Variants in DNAAF9 observed in about 807,000 individuals in gnomAD.
DNAAF9 encodes dynein axonemal assembly factor 9.
A neutral mutation model predicts 167.0 loss-of-function variants in DNAAF9; 90 were observed. The observed-to-expected ratio is 0.54, with a 90% CI of 0.45 to 0.64. The LOEUF (loss-of-function observed/expected upper bound fraction) is 0.64, where lower values mean the gene tolerates loss of function less well. DNAAF9 is among the 30% of genes least tolerant of loss of function. The probability of loss-of-function intolerance (pLI) is 0.00; values close to 1 mark genes in which losing one functional copy is unlikely to be tolerated. For synonymous variants in DNAAF9, 491 were observed against 508.8 expected (o/e 0.96, Z 0.47); for missense variants, 1,315 against 1,442.2 (o/e 0.91, Z 1.43).
At chr20:3,322,523 G>T in intron 15 of DNAAF9, 129 bp downstream of exon 15, 1 of 833,856 alleles carries the variant, frequency 1.2e-6, no homozygotes, top group Non-Finnish European at 2.1e-6. Context: ...GCCAGCCCAA[G>T]CCCAACCCTG....
intron 16 of DNAAF9, 144 bp downstream of exon 16, chr20:3,322,073 T>G: frequency 1.6e-6 from 1 of 640,348 alleles, no homozygotes; most frequent in Non-Finnish European, 2.8e-6. Flanking sequence ...TCACCCCTGC[T>G]ATGGCTGGGA....
chr20:3,381,604 G>T, intron 2 of DNAAF9, 106 bp from the exon 3 acceptor site: 1 of 1,200,454 alleles, frequency 8.3e-7, no homozygotes, highest in Non-Finnish European at 1.1e-6. Context: ...GCTGAAGGAC[G>T]CAGCTCAGAC....
intron 1 of DNAAF9, among the ~76,000 whole-genome samples, chr20:3,401,495 C>A (rs764380903): frequency 1.5e-4 from 23 of 152,182 alleles, no homozygotes; most frequent in Non-Finnish European, 2.4e-4. Flanking sequence ...CCACAGCACC[C>A]GGCTGATGAA....
chr20:3,330,094 C>T (rs1176395179), intron 12 of DNAAF9, among the ~76,000 whole-genome samples: 1 of 152,178 alleles, frequency 6.6e-6, no homozygotes, highest in African/African-American at 2.4e-5. Context: ...AGGAGAGTTA[C>T]ATCATAAATG....
At chr20:3,338,466 TTA>T (rs1439900479) in intron 10 of DNAAF9, among the ~76,000 whole-genome samples, 3 of 152,124 alleles carry the variant, frequency 2.0e-5, no homozygotes, top group Admixed American at 6.6e-5. Context: ...ATTTTGGGAT[TTA>T]TCCTGCTTGG....
At chr20:3,341,720 T>C (rs1350192586) in intron 9 of DNAAF9, among the ~76,000 whole-genome samples, 1 of 152,208 alleles carries the variant, frequency 6.6e-6, no homozygotes, top group African/African-American at 2.4e-5. Context: ...CCTCACTGTT[T>C]CCCTGTTTCC....
chr20:3,257,976 GCC>G (rs879472269), intron 33 of DNAAF9, among the ~76,000 whole-genome samples: 23,622 of 136,018 alleles, frequency 0.17, 2,415 homozygotes, highest in African/African-American at 0.2. Context: ...TGATCTGCCT[GCC>G]TTGGCCTCCC....
intron 29 of DNAAF9, among the ~76,000 whole-genome samples, chr20:3,272,664 T>C (rs1346331354): frequency 2.0e-5 from 3 of 152,218 alleles, no homozygotes; most frequent in African/African-American, 7.2e-5. Context: ...ATCTCTCCTC[T>C]GCCAATTTTT....
At position 3,252,517 on chromosome 20, in the gene DNAAF9, C is replaced by A; in HGVS notation, c.*55G>T. On this transcript the variant is annotated 3_prime_UTR_variant, in exon 37 of 37. Transcript: ENST00000252032. ...CCAGCAGAGCTGAGGTTAAGACACC[C>A]GTTCGTCCATCTCCAAGGTGGACAT... 1.1e-6 allele frequency: 1 copy of A among 951,726 alleles called. No homozygotes were observed. Among genetic ancestry groups the A allele is most frequent in the South Asian group, 1.3e-5 (1 of 76,782 alleles). 59.0% of individuals were successfully genotyped at this position (951,726 alleles called of 1,614,324 possible). A position where few individuals can be genotyped will look rare whatever the true frequency, so the allele number is the denominator to read the frequency against.
intron 2 of DNAAF9, 28 bp downstream of exon 2, chr20:3,382,397 CCT>C (rs780905230): frequency 6.6e-5 from 105 of 1,581,554 alleles, no homozygotes; most frequent in Non-Finnish European, 8.5e-5. Flanking sequence ...TTGCCCAAGC[CCT>C]GAGTCCCACC....
At chr20:3,324,750 A>G in intron 14 of DNAAF9, 142 bp downstream of exon 14, 1 of 628,602 alleles carries the variant, frequency 1.6e-6, no homozygotes. Context: ...AGGCTGAATC[A>G]TGAATGATTC....
chr20:3,296,754 C>T, intron 23 of DNAAF9, 107 bp downstream of exon 23: 1 of 736,584 alleles, frequency 1.4e-6, no homozygotes, highest in South Asian at 1.7e-5. Flanking sequence ...TGTGTTGACC[C>T]TTTCAGAAGC....
intron 5 of DNAAF9, among the ~76,000 whole-genome samples, chr20:3,374,828 T>C (rs1025080414): frequency 1.3e-5 from 2 of 152,214 alleles, no homozygotes; most frequent in African/African-American, 4.8e-5. Context: ...TTGGGCAGCC[T>C]GCTGTGTTGC....
chr20:3,281,886 C>G lies in DNAAF9; in HGVS notation c.2487-120G>C, dbSNP rs373083367. The G allele has an allele frequency of 6.4e-4, 579 of 905,522 alleles. 2 individuals carry two copies. In the African/African-American group the frequency reaches 9.3e-3, roughly 15 times the overall value. The allele number at this position is 905,522 out of a possible 1,614,324, so 56.1% of individuals were successfully genotyped here. A position where few individuals can be genotyped will look rare whatever the true frequency, so the allele number is the denominator to read the frequency against. On this transcript the variant is annotated intron_variant, in intron 27 of 36. Coordinates refer to ENST00000252032, the MANE Select transcript of DNAAF9 (RefSeq NM_001009984.3). ...AAAGAAAACCAAAAGGAAGAGCCCG[C>G]AATCTGGTCCCTTGGTGTCACTCCA...
At chr20:3,353,572 G>A (rs1362169626) in intron 7 of DNAAF9, among the ~76,000 whole-genome samples, 1 of 151,394 alleles carries the variant, frequency 6.6e-6, no homozygotes, top group Non-Finnish European at 1.5e-5. Flanking sequence ...AGGTTGCAGT[G>A]AGCCGAGATA....
chr20:3,283,144 T>C (rs1600702277), intron 27 of DNAAF9, among the ~76,000 whole-genome samples: 1 of 152,278 alleles, frequency 6.6e-6, no homozygotes, highest in East Asian at 1.9e-4. Context: ...GAGAACTCTT[T>C]CCTGATTGAT....
chr20:3,362,169 TATC>T, intron 6 of DNAAF9: 1 of 1,425,722 alleles, frequency 7.0e-7, no homozygotes, highest in Non-Finnish European at 9.8e-7. Flanking sequence ...GAGGCCCAAT[TATC>T]ATCCCTGTCC....
intron 10 of DNAAF9, among the ~76,000 whole-genome samples, chr20:3,336,252 GTTTTTGTTT>G (rs2069941813): frequency 1.2e-5 from 1 of 81,444 alleles, no homozygotes; most frequent in Admixed American, 1.2e-4. Context: ...ACAGTTTTGC[GTTTTTGTTT>G]TTTTTTTTTT....
intron 27 of DNAAF9, among the ~76,000 whole-genome samples, chr20:3,285,979 CAAAAAAAAAAAAGA>C (rs1233896940): frequency 9.8e-6 from 1 of 102,070 alleles, no homozygotes; most frequent in Non-Finnish European, 2.1e-5. Flanking sequence ...GACTCCGTTT[CAAAAAAAAAAAAGA>C]AAAAGAAAAA....
Sources: allele counts gnomAD v4.1 joint callset (sites outside exome capture counted in the v4.1 genomes callset), GRCh38; gene constraint gnomAD v4.1.1; transcripts MANE v1.5; gene names NCBI Gene and HGNC (gene_info 2026-07-23, HGNC 2026-07-21).